Variants in RMI1 observed in about 807,000 individuals in gnomAD.
The protein encoded by RMI1 is recQ-mediated genome instability protein 1.
Under a neutral mutation model 46.7 loss-of-function variants are expected in RMI1, and 36 were observed. The observed-to-expected ratio is 0.77, with a 90% CI of 0.59 to 1.02. The LOEUF (loss-of-function observed/expected upper bound fraction) is 1.02, where lower values mean the gene tolerates loss of function less well. Among genes scored for constraint, RMI1 ranks in the 50% least tolerant of loss-of-function variants. RMI1 has a pLI of 0.00. For missense variants in RMI1, 676 were observed against 713.7 expected (o/e 0.95, Z 0.60); for synonymous variants, 250 against 252.9 (o/e 0.99, Z 0.11).
rs757079052 is a variant in RMI1, at chr9:84,002,861, ATAAT to A, written c.*1_*4del. On this transcript the variant is annotated stop_retained_variant and 3_prime_UTR_variant, in exon 3 of 3. Coordinates refer to ENST00000445877, the MANE Select transcript of RMI1 (RefSeq NM_001358291.2). ...AGAATCTAAAGAAGCGGTTAAATAA[ATAAT>A]TAAACTAAAATAGTATTAGGAACAA... 3.4e-6 allele frequency: 5 copies of A among 1,480,524 alleles called. No individual in the cohort carries two copies. The highest frequency in any genetic ancestry group is 1.4e-5 in the African/African-American group (1 of 70,846). 91.7% of individuals were successfully genotyped at this position (1,480,524 alleles called of 1,614,324 possible). A position where few individuals can be genotyped will look rare whatever the true frequency, so the allele number is the denominator to read the frequency against.
At chr9:83,988,415 TC>T (rs1287027105) in intron 1 of RMI1, among the ~76,000 whole-genome samples, 2 of 152,112 alleles carry the variant, frequency 1.3e-5, no homozygotes, top group African/African-American at 2.4e-5. Flanking sequence ...GTGATCCTCC[TC>T]CCTCAGGCTT....
At chr9:83,989,730 A>C (rs1441458990) in intron 1 of RMI1, among the ~76,000 whole-genome samples, 1 of 152,132 alleles carries the variant, frequency 6.6e-6, no homozygotes, top group African/African-American at 2.4e-5. Context: ...GGGGAATGGT[A>C]GGACAGTTTT....
Position 84,001,194 on chromosome 9 carries a change from C to A in RMI1, c.208C>A (p.Pro70Thr). ...GAGGGATTTGGAGCATCCTCTTTTA[C>A]CCGATGGCATTTTAGAAATTCCAAA... ...DLRDLEHPLL[P>T]DGILEIPKGE... The change falls in exon 3 of 3, where the codon CCC (proline) becomes ACC (threonine). Residue 70 changes from proline (P) to threonine (T), a missense_variant. Pro to Thr is a conservative substitution (Grantham distance 38). Transcript: ENST00000445877. 6.2e-7 allele frequency: 1 copy of A among 1,614,096 alleles called. No homozygotes were observed.
chr9:83,994,266 T>C (rs975520819), intron 1 of RMI1, among the ~76,000 whole-genome samples: 1 of 152,212 alleles, frequency 6.6e-6, no homozygotes, highest in Non-Finnish European at 1.5e-5. Context: ...ACTCTGTTGA[T>C]TGTGTCCTTT....
At chr9:83,987,445 AAGTT>A (rs1957507827) in intron 1 of RMI1, among the ~76,000 whole-genome samples, 1 of 152,168 alleles carries the variant, frequency 6.6e-6, no homozygotes, top group Non-Finnish European at 1.5e-5. Context: ...GCTAGTTTGA[AAGTT>A]AGTTGTTACA....
chr9:83,984,558 C>T (rs1051940493), intron 1 of RMI1, among the ~76,000 whole-genome samples: 7 of 150,986 alleles, frequency 4.6e-5, no homozygotes, highest in African/African-American at 1.7e-4. Flanking sequence ...CAGTTTTGAA[C>T]ATCTTTTTTT....
chr9:83,981,888 C>T (rs958331980), intron 1 of RMI1, among the ~76,000 whole-genome samples: 2 of 152,170 alleles, frequency 1.3e-5, no homozygotes, highest in African/African-American at 4.8e-5. Flanking sequence ...CTTGTTAGGG[C>T]GCACTGAGGA....
chr9:83,995,609 G>T (rs779226621), intron 1 of RMI1, among the ~76,000 whole-genome samples: 3 of 151,786 alleles, frequency 2.0e-5, no homozygotes, highest in Non-Finnish European at 4.4e-5. Context: ...TGTATTTTTG[G>T]TAGAGACGGG....
chr9:83,998,533 A>T (rs952321946), intron 1 of RMI1, among the ~76,000 whole-genome samples: 7 of 152,206 alleles, frequency 4.6e-5, no homozygotes, highest in African/African-American at 1.7e-4. Context: ...AGAGGCAGTG[A>T]TAAGGAATCC....
At position 84,002,191 on chromosome 9, in the gene RMI1, T is replaced by G; in HGVS notation, c.1205T>G (p.Phe402Cys). 1 of 1,613,716 alleles carries G rather than the reference T, an allele frequency of 6.2e-7. No individual in the cohort carries two copies. The highest frequency in any genetic ancestry group is 8.5e-7 in the Non-Finnish European group (1 of 1,179,834). Residue 402 changes from phenylalanine (F) to cysteine (C), a missense_variant, in exon 3 of 3, where the codon TTT (phenylalanine) becomes TGT (cysteine). Coordinates refer to ENST00000445877, the MANE Select transcript of RMI1 (RefSeq NM_001358291.2). ...GTTAGAGACCAAAACAGGAGTATTT[T>G]TTCAGTTCATTGTAATGTACCCTTA... ...PSVRDQNRSI[F>C]SVHCNVPLAH... is the part of the protein sequence containing the mutation.
chr9:83,993,655 G>A (rs768905500), intron 1 of RMI1, among the ~76,000 whole-genome samples: 1 of 152,008 alleles, frequency 6.6e-6, no homozygotes, highest in South Asian at 2.1e-4. Context: ...TTATTTTCTG[G>A]TTTTTTGATA....
At chr9:83,996,248 G>A (rs901836157) in intron 1 of RMI1, among the ~76,000 whole-genome samples, 8 of 152,216 alleles carry the variant, frequency 5.3e-5, no homozygotes, top group Non-Finnish European at 8.8e-5. Context: ...CACTACGTGT[G>A]TTATATGTGT....
chr9:83,986,868 T>G (rs1190065114), intron 1 of RMI1, among the ~76,000 whole-genome samples: 1 of 152,246 alleles, frequency 6.6e-6, no homozygotes, highest in African/African-American at 2.4e-5. Context: ...AGTTTCAAAG[T>G]CAACTGAAAG....
intron 1 of RMI1, among the ~76,000 whole-genome samples, chr9:83,982,014 T>G (rs189912109): frequency 6.6e-6 from 1 of 152,334 alleles, no homozygotes; most frequent in East Asian, 1.9e-4. Context: ...ATAATATAAT[T>G]TTTTAAATGG....
chr9:83,984,798 G>A (rs1957467661), intron 1 of RMI1, among the ~76,000 whole-genome samples: 1 of 152,076 alleles, frequency 6.6e-6, no homozygotes, highest in African/African-American at 2.4e-5. Flanking sequence ...CCTGACCTCA[G>A]GTGATCCACC....
At chr9:83,991,771 C>G (rs1344781213) in intron 1 of RMI1, among the ~76,000 whole-genome samples, 1 of 152,136 alleles carries the variant, frequency 6.6e-6, no homozygotes, top group Non-Finnish European at 1.5e-5. Context: ...ACTTCTACAA[C>G]TTTGTGGAAA....
Position 84,001,324 on chromosome 9 carries a change from A to G in RMI1, c.338A>G (p.Asn113Ser). 1.2e-6 allele frequency: 2 copies of G among 1,614,132 alleles called. No individual in the cohort carries two copies. The highest frequency in any genetic ancestry group is 1.7e-6 in the Non-Finnish European group (2 of 1,179,988). ...AAGTTGAGAGGAAAGAATACAACAAATGATCTAGTTACAGCTGAAGCACAA... is the reference window on the plus strand; with the variant it reads ...AAGTTGAGAGGAAAGAATACAACAAGTGATCTAGTTACAGCTGAAGCACAA... The part of the protein sequence containing the change: ...IQKLRGKNTT[N>S]DLVTAEAQVT... Residue 113 changes from asparagine (N) to serine (S), a missense_variant, in exon 3 of 3, where the codon AAT (asparagine) becomes AGT (serine). Transcript: ENST00000445877.
rs199762947 is a variant in RMI1 at position 83,995,650 on chromosome 9, AC to A, written c.-125-4058del. On this transcript the variant is annotated intron_variant, in intron 1 of 2. Transcript: ENST00000445877. ...ACCATATTGGTCAGGCTGTTCTTGA[AC>A]TCCTGACCTCAGGTGATCCACCCAC... Among the ~76,000 whole-genome samples the A allele has an allele frequency of 8.1e-3, 1,215 of 149,134 alleles. 31 individuals carry two copies. Among genetic ancestry groups the A allele is most frequent in the East Asian group, 0.035 (173 of 4,998 alleles).
intron 1 of RMI1, among the ~76,000 whole-genome samples, chr9:83,990,656 T>C (rs902094057): frequency 6.6e-6 from 1 of 152,180 alleles, no homozygotes; most frequent in South Asian, 2.1e-4. Context: ...TGTGAAGTGA[T>C]AGATATCCTA....
Sources: allele counts gnomAD v4.1 joint callset (sites outside exome capture counted in the v4.1 genomes callset), GRCh38; gene constraint gnomAD v4.1.1; transcripts MANE v1.5; gene names NCBI Gene and HGNC (gene_info 2026-07-23, HGNC 2026-07-21).